NSUN6: variants seen among roughly 807,000 people sequenced by gnomAD.
The protein encoded by NSUN6 is tRNA (cytosine(72)-C(5))-methyltransferase NSUN6.
A neutral mutation model predicts 58.0 loss-of-function variants in NSUN6; 64 were observed. The observed-to-expected ratio is 1.10, with a 90% confidence interval of 0.90 to 1.36. NSUN6 has a LOEUF of 1.36. NSUN6 is among the 40% of genes most tolerant of loss of function. The pLI is 0.00. For missense variants in NSUN6, 701 were observed against 550.1 expected, an observed-to-expected ratio of 1.27 and a Z score of -2.74; for synonymous variants, 231 against 193.9, an observed-to-expected ratio of 1.19 and a Z score of -1.59.
chr10:18,566,854 T>C (rs1207621855), intron 8 of NSUN6, among the ~76,000 whole-genome samples: 1 of 150,136 alleles, frequency 6.7e-6, no homozygotes, highest in African/African-American at 2.4e-5. Context: ...CATTCCACTC[T>C]TTCCCATTCT....
At chr10:18,643,689 T>C (rs1227847954) in intron 2 of NSUN6, among the ~76,000 whole-genome samples, 1 of 152,226 alleles carries the variant, frequency 6.6e-6, no homozygotes, top group Non-Finnish European at 1.5e-5. Context: ...TTCCTTTCTC[T>C]TTCCCTCCCT....
At chr10:18,555,635 T>A (rs1354233343) in intron 8 of NSUN6, among the ~76,000 whole-genome samples, 4 of 135,046 alleles carry the variant, frequency 3.0e-5, no homozygotes, top group Non-Finnish European at 1.6e-5. Context: ...GAATGGAGCA[T>A]GGAATGTAAT....
chr10:18,598,720 C>T (rs1042992620), intron 6 of NSUN6, among the ~76,000 whole-genome samples: 2 of 152,214 alleles, frequency 1.3e-5, no homozygotes, highest in East Asian at 1.9e-4. Context: ...CCCACGTAGG[C>T]CTCCCAAAGT....
chr10:18,582,739 C>T (rs565262713), intron 8 of NSUN6, among the ~76,000 whole-genome samples: 1 of 152,100 alleles, frequency 6.6e-6, no homozygotes, highest in East Asian at 1.9e-4. Flanking sequence ...GGGAAAGAGA[C>T]AAAGTGAGCC....
upstream of NSUN6, among the ~76,000 whole-genome samples, chr10:18,657,973 C>G (rs1345419988): frequency 2.0e-5 from 2 of 98,872 alleles, no homozygotes; most frequent in East Asian, 4.2e-4. Flanking sequence ...CTTAGAAATC[C>G]GAAAGCCAGA....
chr10:18,596,661 A>G (rs140323152), intron 6 of NSUN6, among the ~76,000 whole-genome samples: 10 of 152,308 alleles, frequency 6.6e-5, no homozygotes, highest in African/African-American at 9.6e-5. Context: ...CTGAATCCCA[A>G]TGGTTCTCAA....
At chr10:18,579,785 G>T (rs866227768) in intron 8 of NSUN6, among the ~76,000 whole-genome samples, 1 of 152,112 alleles carries the variant, frequency 6.6e-6, no homozygotes, top group African/African-American at 2.4e-5. Context: ...TTTGAGTCTT[G>T]ATCAGCCTTC....
chr10:18,545,881 A>AAAAAAAAC lies in NSUN6; in HGVS notation c.*51_*52insGTTTTTTT, dbSNP rs58257898. The AAAAAAAAC allele has an allele frequency of 8.4e-6, 9 of 1,071,642 alleles. No individual in the cohort carries two copies. The South Asian group carries it at 9.5e-5, about 11-fold the overall frequency. 66.4% of individuals were successfully genotyped at this position (1,071,642 alleles called of 1,614,324 possible). ...CAACACTTTGGTTAAAAAAAAAAAA[A>AAAAAAAAC]CCACAGACAGCAAATGTTTGGAATT... On this transcript the variant is annotated 3_prime_UTR_variant, in exon 11 of 11. Coordinates refer to ENST00000377304, the MANE Select transcript of NSUN6 (RefSeq NM_182543.5).
chr10:18,576,522 A>G (rs1365154942), intron 8 of NSUN6, among the ~76,000 whole-genome samples: 2 of 151,452 alleles, frequency 1.3e-5, no homozygotes, highest in African/African-American at 4.9e-5. Flanking sequence ...CTAAACTAAA[A>G]CTCTTTTCCA....
At chr10:18,575,126 G>A (rs927599502) in intron 8 of NSUN6, among the ~76,000 whole-genome samples, 3 of 152,158 alleles carry the variant, frequency 2.0e-5, no homozygotes, top group Admixed American at 6.5e-5. Flanking sequence ...TATGAGGGAC[G>A]TCTTACCCTA....
chr10:18,650,510 A>C (rs963887871), intron 1 of NSUN6, among the ~76,000 whole-genome samples: 1 of 152,232 alleles, frequency 6.6e-6, no homozygotes, highest in Non-Finnish European at 1.5e-5. Context: ...TAAGCCACGT[A>C]ATTTACAAAG....
chr10:18,549,427 T>C (rs997473546), intron 9 of NSUN6, among the ~76,000 whole-genome samples: 1 of 152,200 alleles, frequency 6.6e-6, no homozygotes, highest in Admixed American at 6.6e-5. Context: ...GGGCACTCTG[T>C]AGATTTGCAA....
chr10:18,580,537 T>C (rs2056859134), intron 8 of NSUN6, among the ~76,000 whole-genome samples: 1 of 152,090 alleles, frequency 6.6e-6, no homozygotes, highest in East Asian at 1.9e-4. Flanking sequence ...CCAGCCCCCA[T>C]TCATAGGTGG....
At chr10:18,622,204 T>A (rs1282133967) in intron 3 of NSUN6, among the ~76,000 whole-genome samples, 1 of 152,272 alleles carries the variant, frequency 6.6e-6, no homozygotes, top group South Asian at 2.1e-4. Flanking sequence ...GAGGGTAGAA[T>A]GCTCATAAAT....
intron 8 of NSUN6, among the ~76,000 whole-genome samples, chr10:18,574,869 T>C (rs1435839627): frequency 6.6e-6 from 1 of 152,140 alleles, no homozygotes; most frequent in Non-Finnish European, 1.5e-5. Flanking sequence ...ATTGTCCATG[T>C]TTCCGGACAC....
At chr10:18,564,140 G>A (rs1429307854) in intron 8 of NSUN6, among the ~76,000 whole-genome samples, 4 of 137,284 alleles carry the variant, frequency 2.9e-5, no homozygotes, top group Non-Finnish European at 6.4e-5. Context: ...CCATTTCCCA[G>A]TCCATTCTCC....
intron 8 of NSUN6, among the ~76,000 whole-genome samples, chr10:18,558,299 G>C (rs1378924439): frequency 1.7e-4 from 26 of 150,526 alleles, no homozygotes; most frequent in Non-Finnish European, 2.4e-4. Flanking sequence ...AAATGGAAGG[G>C]AGAATGGAAT....
chr10:18,561,009 A>G (rs2055459291), intron 8 of NSUN6, among the ~76,000 whole-genome samples: 1 of 151,098 alleles, frequency 6.6e-6, no homozygotes, highest in African/African-American at 2.4e-5. Context: ...AAAATGGGGT[A>G]TGGAATGGAA....
Position 18,545,716 on chromosome 10 carries a change from TAAAAAA to T in NSUN6, c.*211_*216del. 1 of 394,380 alleles carries T rather than the reference TAAAAAA, an allele frequency of 2.5e-6. No homozygotes were observed. The highest frequency in any genetic ancestry group is 4.4e-6 in the Non-Finnish European group (1 of 226,512). 24.4% of individuals were successfully genotyped at this position (394,380 alleles called of 1,614,324 possible). The stretch of plus-strand genomic sequence containing the variant: ...TTTTCTTTATACTCTACTAAATACA[TAAAAAA>T]AAAAAATCTTTTAAAAACAGAAAAT... On this transcript the variant is annotated 3_prime_UTR_variant, in exon 11 of 11. Transcript: ENST00000377304.
Sources: gnomAD v4.1 joint callset for allele counts (sites outside exome capture counted in the v4.1 genomes callset) on GRCh38, gnomAD v4.1.1 for gene constraint, MANE v1.5 for transcripts, NCBI Gene and HGNC (gene_info 2026-07-23, HGNC 2026-07-21) for gene names.